The following GRM8 variants were observed in gnomAD, a reference collection of about 807,000 sequenced individuals.
The protein encoded by GRM8 is glutamate metabotropic receptor 8, also known as metabotropic glutamate receptor 8.
Under a neutral mutation model 87.2 loss-of-function variants are expected in GRM8, and 47 were observed. The observed-to-expected ratio is 0.54, with a 90% CI of 0.43 to 0.69. The LOEUF is 0.69. GRM8 is among the 30% of genes least tolerant of loss of function. The pLI, the probability that GRM8 is intolerant of heterozygous loss-of-function variation, is 0.00. For synonymous variants in GRM8, 396 were observed against 404.5 expected, an observed-to-expected ratio of 0.98 and a Z score of 0.25; for missense variants, 1,019 against 1,139.2, an observed-to-expected ratio of 0.89 and a Z score of 1.52.
intron 2 of GRM8, among the ~76,000 whole-genome samples, chr7:127,181,311 G>A (rs1794420261): frequency 6.6e-6 from 1 of 151,932 alleles, no homozygotes; most frequent in African/African-American, 2.4e-5. Flanking sequence ...ACCTCTACAA[G>A]GAAAACTACA....
intron 8 of GRM8, among the ~76,000 whole-genome samples, chr7:126,561,605 AT>A: frequency 6.6e-6 from 1 of 151,898 alleles, no homozygotes; most frequent in East Asian, 1.9e-4. Flanking sequence ...CTTTTATTTT[AT>A]TTATTTTTTT....
intron 3 of GRM8, among the ~76,000 whole-genome samples, chr7:127,070,999 T>C (rs1007239864): frequency 6.6e-6 from 1 of 152,166 alleles, no homozygotes; most frequent in African/African-American, 2.4e-5. Context: ...ACAGAATAGG[T>C]ACCTTCGTTT....
At chr7:126,761,469 T>G (rs1467325938) in intron 7 of GRM8, among the ~76,000 whole-genome samples, 1 of 152,180 alleles carries the variant, frequency 6.6e-6, no homozygotes, top group Non-Finnish European at 1.5e-5. Flanking sequence ...TTTCCTATTT[T>G]AGATACTATT....
chr7:126,965,309 A>T (rs1809737117), intron 3 of GRM8, among the ~76,000 whole-genome samples: 1 of 152,122 alleles, frequency 6.6e-6, no homozygotes, highest in Non-Finnish European at 1.5e-5. Context: ...TAAATTTTAA[A>T]AAAAAGAAAG....
At chr7:126,451,175 C>A (rs1471079789) in intron 9 of GRM8, among the ~76,000 whole-genome samples, 1 of 151,808 alleles carries the variant, frequency 6.6e-6, no homozygotes, top group African/African-American at 2.4e-5. Context: ...TTTTGGGTCA[C>A]TCCCTTCGGT....
chr7:126,614,490 G>A (rs530816769), intron 7 of GRM8, among the ~76,000 whole-genome samples: 14 of 152,248 alleles, frequency 9.2e-5, no homozygotes, highest in East Asian at 1.9e-4. Flanking sequence ...CCAAAGGAAC[G>A]CAGCTCCTCA....
chr7:126,443,627 C>CT (rs66903392), intron 10 of GRM8, among the ~76,000 whole-genome samples: 1 of 151,790 alleles, frequency 6.6e-6, no homozygotes, highest in Non-Finnish European at 1.5e-5. Context: ...TACAATTAAA[C>CT]TTTTTTTTCA....
intron 7 of GRM8, among the ~76,000 whole-genome samples, chr7:126,630,526 C>A (rs754568551): frequency 6.6e-6 from 1 of 152,080 alleles, no homozygotes; most frequent in Non-Finnish European, 1.5e-5. Context: ...CTCTCTAAGT[C>A]GTTAAATGAG....
At chr7:126,950,036 G>A (rs895301478) in intron 3 of GRM8, among the ~76,000 whole-genome samples, 12 of 152,122 alleles carry the variant, frequency 7.9e-5, no homozygotes, top group Non-Finnish European at 1.8e-4. Context: ...TCACAAATAA[G>A]GCCTGAAAAG....
intron 8 of GRM8, among the ~76,000 whole-genome samples, chr7:126,575,658 T>C (rs914948285): frequency 1.3e-5 from 2 of 152,048 alleles, no homozygotes; most frequent in African/African-American, 4.8e-5. Context: ...AATTGAATAA[T>C]CAGATGTCAA....
At chr7:126,968,733 T>C (rs1192963094) in intron 3 of GRM8, among the ~76,000 whole-genome samples, 1 of 152,168 alleles carries the variant, frequency 6.6e-6, no homozygotes, top group East Asian at 1.9e-4. Flanking sequence ...ATAAACTCTC[T>C]AAAGAAATTA....
At chr7:127,133,982 CACT>C (rs1220185337) in intron 2 of GRM8, among the ~76,000 whole-genome samples, 2 of 152,100 alleles carry the variant, frequency 1.3e-5, no homozygotes, top group African/African-American at 4.8e-5. Context: ...TGGGTGTGTA[CACT>C]ACTTCCACCG....
chr7:126,601,752 G>A (rs1188924560), intron 8 of GRM8, among the ~76,000 whole-genome samples: 1 of 147,056 alleles, frequency 6.8e-6, no homozygotes, highest in Non-Finnish European at 1.5e-5. Context: ...GTCTGTTCAT[G>A]TCCTTTGCCC....
intron 8 of GRM8, among the ~76,000 whole-genome samples, chr7:126,584,841 CA>C (rs989003364): frequency 4.6e-4 from 66 of 142,906 alleles, no homozygotes; most frequent in African/African-American, 6.9e-4. Flanking sequence ...GCTGTGAGAG[CA>C]AAAAAAAAAA....
intron 3 of GRM8, among the ~76,000 whole-genome samples, chr7:127,088,547 A>T (rs1052382288): frequency 7.2e-5 from 11 of 152,190 alleles, no homozygotes; most frequent in African/African-American, 2.7e-4. Context: ...ACTGTAACTG[A>T]ATTTAACATA....
intron 2 of GRM8, among the ~76,000 whole-genome samples, chr7:127,131,845 C>T (rs1025989676): frequency 6.6e-6 from 1 of 151,922 alleles, no homozygotes; most frequent in Non-Finnish European, 1.5e-5. Context: ...TCCTTTGTTT[C>T]CTGGAATCTG....
intron 7 of GRM8, among the ~76,000 whole-genome samples, chr7:126,741,994 AC>A (rs899211879): frequency 4.0e-5 from 6 of 151,760 alleles, no homozygotes; most frequent in East Asian, 1.9e-4. Flanking sequence ...CAGGACACCT[AC>A]CCCCCACACC....
rs573821940 is a variant in GRM8 at position 126,863,723 on chromosome 7, C to A, written c.1156+38819G>T. Among the ~76,000 whole-genome samples, 7 of 152,208 alleles carry A rather than the reference C, an allele frequency of 4.6e-5. No individual in the cohort carries two copies. In the East Asian group the frequency reaches 1.2e-3, roughly 25 times the overall value. ...CTATATTTTTTCTAAATATTTTCAT[C>A]TAATTTATTAATTTCTGAGGTAAGG... On this transcript the variant is annotated intron_variant, in intron 6 of 10. Transcript: ENST00000339582.
At chr7:127,245,277 T>C (rs1261719638) in intron 1 of GRM8, among the ~76,000 whole-genome samples, 2 of 152,204 alleles carry the variant, frequency 1.3e-5, no homozygotes, top group African/African-American at 4.8e-5. Flanking sequence ...GATCACTAGT[T>C]GAGAATTTGA....
Sources: gnomAD v4.1 joint callset for allele counts (sites outside exome capture counted in the v4.1 genomes callset) on GRCh38, gnomAD v4.1.1 for gene constraint, MANE v1.5 for transcripts, NCBI Gene and HGNC (gene_info 2026-07-23, HGNC 2026-07-21) for gene names.